EARS2: variants seen among roughly 807,000 people sequenced by gnomAD.
EARS2 encodes glutamyl-tRNA synthetase 2, mitochondrial, also known as nondiscriminating glutamyl-tRNA synthetase EARS2, mitochondrial.
EARS2 carries 50 observed loss-of-function variants against 54.1 expected under a neutral mutation model. That is an observed-to-expected ratio of 0.92 (90% CI 0.74 to 1.17). EARS2 has a LOEUF of 1.17. Among genes scored for constraint, EARS2 ranks in the 50% most tolerant of loss-of-function variants. The probability of loss-of-function intolerance (pLI) is 0.00; values close to 1 mark genes in which losing one functional copy is unlikely to be tolerated. For missense variants in EARS2, 673 were observed against 675.0 expected (o/e 1.00, Z 0.03); for synonymous variants, 298 against 281.0 (o/e 1.06, Z -0.61).
rs1400641811 is a variant in EARS2 at position 23,557,336 on chromosome 16, G to T, written c.8C>A (p.Ala3Glu). ...GCGCTGCAGCAGTCTCCTCAGGAGC[G>T]CCGCCATGTGGGATGGAATAGCACA... MAALLRRLLQRER... is the reference protein window; with the variant it reads MAELLRRLLQRER... Residue 3 changes from alanine to glutamate, a missense_variant, in exon 1 of 9, where the codon GCG (alanine) becomes GAG (glutamate). Transcript: ENST00000449606. 6.5e-7 allele frequency: 1 copy of T among 1,545,236 alleles called. No homozygotes were observed. Among genetic ancestry groups the T allele is most frequent in the Non-Finnish European group, 8.7e-7 (1 of 1,152,020 alleles).
At chr16:23,554,158 C>A (rs1170938200) in intron 1 of EARS2, among the ~76,000 whole-genome samples, 1 of 151,996 alleles carries the variant, frequency 6.6e-6, no homozygotes, top group African/African-American at 2.4e-5. Context: ...TACAAGTGTA[C>A]ACCACCATGC....
At chr16:23,546,338 A>G (rs777007873) in intron 2 of EARS2, 10 of 454,460 alleles carry the variant, frequency 2.2e-5, no homozygotes, top group Non-Finnish European at 4.0e-5. Context: ...GCTACCCTCA[A>G]TGCTAACACA....
intron 3 of EARS2, among the ~76,000 whole-genome samples, chr16:23,536,411 C>T (rs934999847): frequency 4.6e-5 from 7 of 152,076 alleles, no homozygotes; most frequent in African/African-American, 9.6e-5. Context: ...TCAAGACCAG[C>T]GTGGGTAACA....
intron 2 of EARS2, among the ~76,000 whole-genome samples, chr16:23,547,862 C>T (rs1023247593): frequency 6.0e-5 from 9 of 150,280 alleles, no homozygotes; most frequent in Non-Finnish European, 8.9e-5. Flanking sequence ...TTTGGGAGGC[C>T]GAGGTAGGTG....
Position 23,521,014 on chromosome 16 carries a change from A to G in EARS2, c.*3357T>C, listed in dbSNP as rs560071445. On this transcript the variant is annotated 3_prime_UTR_variant, in exon 9 of 9. Coordinates refer to ENST00000449606, the MANE Select transcript of EARS2 (RefSeq NM_001083614.2). Reference sequence around the variant, plus strand: ...ACCATGTTGGCCAGGCTGGTCTTGAACTCCCGGCCTCAAGTGATCTGCCTG... The same window carrying G: ...ACCATGTTGGCCAGGCTGGTCTTGAGCTCCCGGCCTCAAGTGATCTGCCTG... 9.9e-5 allele frequency among the ~76,000 whole-genome samples: 15 copies of G among 151,188 alleles called. No individual in the cohort carries two copies. Among genetic ancestry groups the G allele is most frequent in the Admixed American group, 7.9e-4 (12 of 15,160 alleles).
chr16:23,556,608 C>CT (rs1366692561), intron 1 of EARS2: 3 of 299,714 alleles, frequency 1.0e-5, no homozygotes, highest in Non-Finnish European at 2.0e-5. Context: ...ATGCACCCAC[C>CT]TCTGCCTCCC....
chr16:23,526,017 A>T (rs1965221708), intron 7 of EARS2, among the ~76,000 whole-genome samples: 1 of 144,600 alleles, frequency 6.9e-6, no homozygotes, highest in East Asian at 2.0e-4. Flanking sequence ...AAAAAAAAAT[A>T]ATAGTATCTG....
chr16:23,543,323 C>T (rs909830681), intron 3 of EARS2, among the ~76,000 whole-genome samples: 1 of 150,724 alleles, frequency 6.6e-6, no homozygotes, highest in Non-Finnish European at 1.5e-5. Flanking sequence ...GAGATGGGGG[C>T]ACTGCGTGAG....
Position 23,544,671 on chromosome 16 carries a change from C to T in EARS2, c.328G>A (p.Gly110Ser), listed in dbSNP as rs201842633. Residue 110 changes from glycine (G) to serine (S), a missense_variant, in exon 3 of 9, where the codon GGT becomes AGT. Transcript: ENST00000449606. ...IPPDESPRRG[G>S]PAGPYQQSQR... is the part of the protein sequence containing the mutation. ...GATTGCTGGTAGGGCCCAGCAGGACCGCCCCGGCGGGGGCTCTCATCAGGC... is the reference window on the plus strand; with the variant it reads ...GATTGCTGGTAGGGCCCAGCAGGACTGCCCCGGCGGGGGCTCTCATCAGGC... 496 of 1,607,912 alleles carry T rather than the reference C, an allele frequency of 3.1e-4. No homozygotes were observed. Among genetic ancestry groups the T allele is most frequent in the Non-Finnish European group, 4.0e-4 (468 of 1,178,140 alleles).
At chr16:23,553,274 G>A (rs1476866456) in intron 1 of EARS2, among the ~76,000 whole-genome samples, 2 of 152,106 alleles carry the variant, frequency 1.3e-5, no homozygotes, top group Middle Eastern at 3.4e-3. Flanking sequence ...TTATTAAAAG[G>A]CTCCAATTTT....
At chr16:23,531,040 C>T (rs1416839702) in intron 5 of EARS2, among the ~76,000 whole-genome samples, 4 of 151,362 alleles carry the variant, frequency 2.6e-5, no homozygotes, top group East Asian at 1.9e-4. Flanking sequence ...TACAGGCGCC[C>T]GCCACGTCGG....
At chr16:23,546,558 A>C (rs190725215) in intron 2 of EARS2, 227 of 399,850 alleles carry the variant, frequency 5.7e-4, no homozygotes, top group African/African-American at 4.4e-3. Context: ...TTTGGTATTT[A>C]TGTATTTATT....
chr16:23,541,330 A>G (rs1965508070), intron 3 of EARS2, among the ~76,000 whole-genome samples: 1 of 151,986 alleles, frequency 6.6e-6, no homozygotes, highest in South Asian at 2.1e-4. Context: ...CCATTTCTAA[A>G]ATAACACAAC....
At chr16:23,546,582 G>T (rs996403876) in intron 2 of EARS2, 2 of 379,316 alleles carry the variant, frequency 5.3e-6, no homozygotes, top group South Asian at 3.9e-5. Context: ...TTGAGACAGG[G>T]TCTCACTCTG....
At chr16:23,534,249 T>C (rs1286091443) in intron 4 of EARS2, among the ~76,000 whole-genome samples, 1 of 152,208 alleles carries the variant, frequency 6.6e-6, no homozygotes, top group Admixed American at 6.5e-5. Flanking sequence ...TGGAGATATG[T>C]ATCTACCCCT....
At chr16:23,549,545 C>T (rs1965659598) in intron 2 of EARS2, among the ~76,000 whole-genome samples, 1 of 152,196 alleles carries the variant, frequency 6.6e-6, no homozygotes, top group African/African-American at 2.4e-5. Context: ...CAGCCTCAAC[C>T]TCAACTTCCC....
chr16:23,544,806 A>C, intron 2 of EARS2, 103 bp from the exon 3 acceptor site: 1 of 1,084,620 alleles, frequency 9.2e-7, no homozygotes, highest in Non-Finnish European at 1.3e-6. Flanking sequence ...TCCTCATAAC[A>C]ATCCATGAGG....
At chr16:23,528,143 G>A (rs1334747887) in intron 7 of EARS2, among the ~76,000 whole-genome samples, 7 of 152,200 alleles carry the variant, frequency 4.6e-5, no homozygotes, top group Non-Finnish European at 8.8e-5. Flanking sequence ...CCTTGACCCT[G>A]GAGTTCTAGC....
chr16:23,533,784 G>C (rs142416955), intron 4 of EARS2, among the ~76,000 whole-genome samples: 2 of 152,254 alleles, frequency 1.3e-5, no homozygotes, highest in Non-Finnish European at 2.9e-5. Flanking sequence ...GGCCAGGCAC[G>C]GTGGCTCACG....
Sources: gnomAD v4.1 joint callset for allele counts (sites outside exome capture counted in the v4.1 genomes callset) on GRCh38, gnomAD v4.1.1 for gene constraint, MANE v1.5 for transcripts, NCBI Gene and HGNC (gene_info 2026-07-23, HGNC 2026-07-21) for gene names.